GOPC: variants seen among roughly 807,000 people sequenced by gnomAD.
The protein encoded by GOPC is golgi associated PDZ and coiled-coil motif containing, also known as Golgi-associated PDZ and coiled-coil motif-containing protein.
Under a neutral mutation model 51.2 loss-of-function variants are expected in GOPC, and 32 were observed. The observed-to-expected ratio is 0.63, with a 90% confidence interval of 0.47 to 0.84. The LOEUF (loss-of-function observed/expected upper bound fraction) is 0.84. Ranked by LOEUF, GOPC falls within the 40% of genes least tolerant of loss-of-function variation. The pLI is 0.00. For missense variants in GOPC, 441 were observed against 555.5 expected, an observed-to-expected ratio of 0.79 and a Z score of 2.07; for synonymous variants, 190 against 205.1, an observed-to-expected ratio of 0.93 and a Z score of 0.63.
intron 1 of GOPC, among the ~76,000 whole-genome samples, chr6:117,590,466 G>A (rs980180442): frequency 1.1e-4 from 16 of 151,536 alleles, no homozygotes; most frequent in African/African-American, 3.6e-4. Flanking sequence ...CAGCTACTCA[G>A]GAGGCTGAGG....
At chr6:117,589,215 T>A (rs995357968) in intron 1 of GOPC, among the ~76,000 whole-genome samples, 3 of 152,224 alleles carry the variant, frequency 2.0e-5, no homozygotes, top group Admixed American at 2.0e-4. Flanking sequence ...AGATACATCA[T>A]AGGAGGGATA....
At chr6:117,565,996 A>G (rs1779689008) in intron 8 of GOPC, among the ~76,000 whole-genome samples, 1 of 152,196 alleles carries the variant, frequency 6.6e-6, no homozygotes, top group African/African-American at 2.4e-5. Context: ...TCAAAGGTCA[A>G]TATTTAAAAA....
chr6:117,598,196 T>TA (rs532086597), intron 1 of GOPC, among the ~76,000 whole-genome samples: 14,752 of 126,278 alleles, frequency 0.12, 936 homozygotes, highest in African/African-American at 0.14. Flanking sequence ...CCATCTCTAC[T>TA]AAAAAAAAAA....
intron 3 of GOPC, among the ~76,000 whole-genome samples, chr6:117,576,182 C>T (rs923065042): frequency 3.3e-5 from 5 of 151,816 alleles, no homozygotes; most frequent in Non-Finnish European, 5.9e-5. Flanking sequence ...CACACACATA[C>T]AAGCTAAAAT....
intron 1 of GOPC, among the ~76,000 whole-genome samples, chr6:117,582,517 C>G (rs1205293374): frequency 2.6e-5 from 4 of 151,388 alleles, no homozygotes; most frequent in Non-Finnish European, 5.9e-5. Context: ...GCCCTGCCCC[C>G]CATCCTGTGC....
At chr6:117,571,578 T>C (rs183285789) in intron 5 of GOPC, among the ~76,000 whole-genome samples, 24 of 152,246 alleles carry the variant, frequency 1.6e-4, no homozygotes, top group African/African-American at 5.8e-4. Context: ...TCCTTCACTA[T>C]CTTCCTTAGC....
intron 6 of GOPC, among the ~76,000 whole-genome samples, chr6:117,570,152 A>G (rs1779779169): frequency 6.6e-6 from 1 of 151,670 alleles, no homozygotes; most frequent in African/African-American, 2.4e-5. Flanking sequence ...TCTCTAGCTT[A>G]TATCATTGTT....
At chr6:117,578,851 AC>A in intron 2 of GOPC, 48 bp downstream of exon 2, 1 of 1,353,374 alleles carries the variant, frequency 7.4e-7, no homozygotes, top group Non-Finnish European at 1.0e-6. Context: ...ATTGTCCTGT[AC>A]ACCCTGTAAA....
chr6:117,582,986 A>G (rs1779982413), intron 1 of GOPC, among the ~76,000 whole-genome samples: 1 of 151,952 alleles, frequency 6.6e-6, no homozygotes, highest in South Asian at 2.1e-4. Flanking sequence ...AGCTAAGAGA[A>G]CCTTGTAACA....
intron 1 of GOPC, among the ~76,000 whole-genome samples, chr6:117,585,605 T>C (rs1780019382): frequency 6.6e-6 from 1 of 152,122 alleles, no homozygotes; most frequent in Non-Finnish European, 1.5e-5. Flanking sequence ...AACTCAGACC[T>C]CCTCCTGACA....
At chr6:117,588,771 C>CT (rs972357157) in intron 1 of GOPC, among the ~76,000 whole-genome samples, 11 of 149,646 alleles carry the variant, frequency 7.4e-5, no homozygotes, top group African/African-American at 2.0e-4. Context: ...TACATTTATA[C>CT]TTTTTTTATA....
intron 1 of GOPC, among the ~76,000 whole-genome samples, chr6:117,599,264 A>T (rs1771947773): frequency 6.6e-6 from 1 of 152,214 alleles, no homozygotes; most frequent in South Asian, 2.1e-4. Context: ...GTCATATTAA[A>T]CCATAAGTGG....
At chr6:117,589,101 G>A (rs947599496) in intron 1 of GOPC, among the ~76,000 whole-genome samples, 1 of 152,188 alleles carries the variant, frequency 6.6e-6, no homozygotes, top group Admixed American at 6.5e-5. Context: ...TTAAGAAAGT[G>A]TACGAATTTG....
chr6:117,602,212 C>G lies in GOPC; in HGVS notation c.77G>C (p.Gly26Ala). Residue 26 changes from glycine to alanine, a missense_variant, in exon 1 of 9, where the codon GGC becomes GCC. By Grantham distance (60) the Gly-to-Ala change is moderately conservative. This residue lies in a region of GOPC where 204 missense variants were observed against 219.8 expected (regional missense o/e 0.93). Coordinates refer to ENST00000368498, the MANE Select transcript of GOPC (RefSeq NM_020399.4). ...CAGCCACCGGAACATGGATACCCCG[C>G]CAGGGGCCCCCACGGAGCAGGAGGC... ...GGASCSVGAP[G>A]GVSMFRWLEV... 1.2e-6 allele frequency: 2 copies of G among 1,608,126 alleles called. No homozygotes were observed. Among genetic ancestry groups the G allele is most frequent in the Non-Finnish European group, 1.7e-6 (2 of 1,179,982 alleles).
At chr6:117,591,499 G>A (rs1780116227) in intron 1 of GOPC, among the ~76,000 whole-genome samples, 1 of 152,174 alleles carries the variant, frequency 6.6e-6, no homozygotes, top group Admixed American at 6.5e-5. Flanking sequence ...AGGGCTTAGG[G>A]CAGCCTCTGC....
intron 1 of GOPC, among the ~76,000 whole-genome samples, chr6:117,593,625 G>A (rs1780151211): frequency 6.6e-6 from 1 of 152,160 alleles, no homozygotes; most frequent in South Asian, 2.1e-4. Context: ...TCCCTGTAAA[G>A]TTGGAGTAAC....
rs1336997145 is a variant in GOPC at position 117,569,568 on chromosome 6, T to C, written c.1077+4A>G. 1 of 1,612,552 alleles carries C rather than the reference T, an allele frequency of 6.2e-7. No individual in the cohort carries two copies. The highest frequency in any genetic ancestry group is 8.5e-7 in the Non-Finnish European group (1 of 1,179,356). On this transcript the variant is annotated splice_donor_region_variant and intron_variant, in intron 7 of 8. Transcript: ENST00000368498. ...CCAGTTCTAATTACATGAAGGGAATTTACCTGCTGAGAAAGAATAGTTACA... is the reference window on the plus strand; with the variant it reads ...CCAGTTCTAATTACATGAAGGGAATCTACCTGCTGAGAAAGAATAGTTACA...
intron 1 of GOPC, among the ~76,000 whole-genome samples, chr6:117,593,088 AT>A (rs1312407794): frequency 6.6e-6 from 1 of 152,218 alleles, no homozygotes; most frequent in Non-Finnish European, 1.5e-5. Flanking sequence ...ACCATAATTT[AT>A]GATAACTAAC....
At chr6:117,590,436 G>A (rs1780099695) in intron 1 of GOPC, among the ~76,000 whole-genome samples, 1 of 151,928 alleles carries the variant, frequency 6.6e-6, no homozygotes. Context: ...GCTGGGCGTG[G>A]TGGTATATGG....
Sources: gnomAD v4.1 joint callset for allele counts (sites outside exome capture counted in the v4.1 genomes callset) on GRCh38, gnomAD v4.1.1 for gene constraint, gnomAD v4.1.1 regional missense constraint, MANE v1.5 for transcripts, NCBI Gene and HGNC (gene_info 2026-07-23, HGNC 2026-07-21) for gene names.